GALNT7: variants seen among roughly 807,000 people sequenced by gnomAD.
The protein encoded by GALNT7 is polypeptide N-acetylgalactosaminyltransferase 7, also known as N-acetylgalactosaminyltransferase 7.
A neutral mutation model predicts 82.1 loss-of-function variants in GALNT7; 60 were observed. The ratio of observed to expected loss-of-function variants is 0.73; its 90% CI spans 0.59 to 0.91. The LOEUF is 0.91. Ranked by LOEUF, GALNT7 falls within the 40% of genes least tolerant of loss-of-function variation. GALNT7 has a pLI of 0.00. For missense variants in GALNT7, 660 were observed against 804.2 expected (o/e 0.82, Z 2.17); for synonymous variants, 243 against 275.1 (o/e 0.88, Z 1.15).
rs1295018689 is a variant in GALNT7, at chr4:173,248,213, C to G, written c.360C>G (p.Phe120Leu). 7 of 1,613,856 alleles carry G rather than the reference C, an allele frequency of 4.3e-6. No homozygotes were observed. Among genetic ancestry groups the G allele is most frequent in the Non-Finnish European group, 5.9e-6 (7 of 1,179,784 alleles). The change falls in exon 2 of 12, where the codon TTC becomes TTG. Residue 120 changes from phenylalanine (F) to leucine (L), a missense_variant. Around this residue, in one of 2 missense-constraint regions of GALNT7, gnomAD observed 527 missense variants for 683.5 expected, o/e 0.77. Transcript: ENST00000265000. ...RQYLTFKPQT[F>L]TYHDPVLRPG... is the part of the protein sequence containing the mutation. ...ATCTCACATTTAAGCCTCAGACATT[C>G]ACCTACCATGATCCTGTGCTTCGCC... is the stretch of plus-strand genomic sequence containing the variant.
chr4:173,294,188 A>T (rs929286353), intron 3 of GALNT7, among the ~76,000 whole-genome samples: 2 of 152,170 alleles, frequency 1.3e-5, no homozygotes, highest in African/African-American at 4.8e-5. Flanking sequence ...TAACTTGTAT[A>T]TGCAAAAAAT....
intron 1 of GALNT7, among the ~76,000 whole-genome samples, chr4:173,182,868 C>G (rs1489925437): frequency 7.0e-6 from 1 of 142,736 alleles, no homozygotes; most frequent in East Asian, 2.1e-4. Context: ...GTACCTGATT[C>G]TTTTAAATTA....
chr4:173,283,023 T>C, intron 2 of GALNT7, among the ~76,000 whole-genome samples: 1 of 152,196 alleles, frequency 6.6e-6, no homozygotes, highest in Admixed American at 6.5e-5. Flanking sequence ...TCCCTTTCTG[T>C]CTCTCTGAGC....
chr4:173,184,413 A>T (rs1732398296), intron 1 of GALNT7, among the ~76,000 whole-genome samples: 1 of 152,082 alleles, frequency 6.6e-6, no homozygotes, highest in African/African-American at 2.4e-5. Context: ...CCCGACCAAC[A>T]CGGCGAAACC....
chr4:173,202,620 A>G (rs1454764856), intron 1 of GALNT7, among the ~76,000 whole-genome samples: 1 of 152,086 alleles, frequency 6.6e-6, no homozygotes, highest in African/African-American at 2.4e-5. Context: ...TACAACTCAA[A>G]CTGATTTGTT....
intron 8 of GALNT7, among the ~76,000 whole-genome samples, chr4:173,311,337 A>C (rs1737372458): frequency 1.3e-5 from 2 of 152,176 alleles, no homozygotes. Context: ...GGATTTGCAA[A>C]GATTCAGAAT....
At chr4:173,305,734 G>A (rs918316652) in intron 8 of GALNT7, among the ~76,000 whole-genome samples, 1 of 152,072 alleles carries the variant, frequency 6.6e-6, no homozygotes, top group African/African-American at 2.4e-5. Context: ...TGGCCTCTCT[G>A]TTCTGTTCTT....
intron 1 of GALNT7, among the ~76,000 whole-genome samples, chr4:173,224,144 C>T (rs1368163473): frequency 6.6e-6 from 1 of 152,172 alleles, no homozygotes; most frequent in African/African-American, 2.4e-5. Flanking sequence ...TCTGTTGTTA[C>T]ATCTACATTG....
At chr4:173,260,107 T>C (rs1735202435) in intron 2 of GALNT7, among the ~76,000 whole-genome samples, 2 of 152,246 alleles carry the variant, frequency 1.3e-5, no homozygotes, top group South Asian at 2.1e-4. Flanking sequence ...TGTAGTTACA[T>C]ACCATCGAAT....
intron 1 of GALNT7, among the ~76,000 whole-genome samples, chr4:173,188,358 T>C (rs2126637740): frequency 6.6e-6 from 1 of 152,324 alleles, no homozygotes; most frequent in Admixed American, 6.5e-5. Context: ...CTGTGTTCTA[T>C]GAACCAAGGT....
chr4:173,199,221 A>T (rs181891380), intron 1 of GALNT7, among the ~76,000 whole-genome samples: 1 of 152,348 alleles, frequency 6.6e-6, no homozygotes, highest in Admixed American at 6.5e-5. Context: ...AAGACTCAAC[A>T]TCTAGGGGAT....
intron 1 of GALNT7, among the ~76,000 whole-genome samples, chr4:173,234,833 C>T (rs1237005636): frequency 6.6e-6 from 1 of 152,026 alleles, no homozygotes; most frequent in African/African-American, 2.4e-5. Flanking sequence ...AAAAAACTGG[C>T]ACCTCCTTCT....
chr4:173,249,735 T>C (rs914188946), intron 2 of GALNT7, among the ~76,000 whole-genome samples: 5 of 152,208 alleles, frequency 3.3e-5, no homozygotes, highest in African/African-American at 1.2e-4. Context: ...TTTTTTTAAA[T>C]TGGATTTCCC....
At chr4:173,177,757 A>T (rs908202694) in intron 1 of GALNT7, among the ~76,000 whole-genome samples, 1 of 152,152 alleles carries the variant, frequency 6.6e-6, no homozygotes, top group Non-Finnish European at 1.5e-5. Flanking sequence ...AACCAGTAGT[A>T]CTTTGGTCTA....
Position 173,219,101 on chromosome 4 carries a change from A to G in GALNT7, c.127-28879A>G, listed in dbSNP as rs965871831. Among the ~76,000 whole-genome samples the G allele has an allele frequency of 3.9e-5, 6 of 152,176 alleles. No homozygotes were observed. In the South Asian group the frequency reaches 6.2e-4, roughly 16 times the overall value. ...CATCTGAGCAATGTCACTGTAGCCA[A>G]TGTGTAGTCTTTTATCCCTCTCCTC... On this transcript the variant is annotated intron_variant, in intron 1 of 11. Coordinates refer to ENST00000265000, the MANE Select transcript of GALNT7 (RefSeq NM_017423.3).
chr4:173,192,113 A>G (rs1020947244), intron 1 of GALNT7, among the ~76,000 whole-genome samples: 4 of 152,182 alleles, frequency 2.6e-5, no homozygotes, highest in Non-Finnish European at 5.9e-5. Context: ...TGTGTGGAGA[A>G]GTGTGTGGTG....
At chr4:173,245,603 T>G (rs1371026038) in intron 1 of GALNT7, among the ~76,000 whole-genome samples, 1 of 152,188 alleles carries the variant, frequency 6.6e-6, no homozygotes, top group Non-Finnish European at 1.5e-5. Flanking sequence ...CTTTTTGTGT[T>G]ATACTTGTTT....
At chr4:173,258,103 C>T (rs1735112436) in intron 2 of GALNT7, among the ~76,000 whole-genome samples, 1 of 152,240 alleles carries the variant, frequency 6.6e-6, no homozygotes, top group Non-Finnish European at 1.5e-5. Flanking sequence ...TCTGTGTAAA[C>T]ACAACTACTT....
At chr4:173,291,638 C>T (rs1406581822) in intron 2 of GALNT7, among the ~76,000 whole-genome samples, 1 of 152,142 alleles carries the variant, frequency 6.6e-6, no homozygotes, top group Non-Finnish European at 1.5e-5. Context: ...CTCAGGTCAA[C>T]CTGTTTAATA....
Sources: gnomAD v4.1 joint callset for allele counts (sites outside exome capture counted in the v4.1 genomes callset) on GRCh38, gnomAD v4.1.1 for gene constraint, gnomAD v4.1.1 regional missense constraint, MANE v1.5 for transcripts, NCBI Gene and HGNC (gene_info 2026-07-23, HGNC 2026-07-21) for gene names.